PXDNL: variants seen among roughly 807,000 people sequenced by gnomAD.
PXDNL encodes the protein peroxidasin like, also known as probable oxidoreductase PXDNL.
Under a neutral mutation model 150.8 loss-of-function variants are expected in PXDNL, and 145 were observed. The observed-to-expected ratio is 0.96, with a 90% CI of 0.84 to 1.10. The LOEUF (loss-of-function observed/expected upper bound fraction) is 1.10, where lower values mean the gene tolerates loss of function less well. Ranked by LOEUF, PXDNL falls within the 50% of genes least tolerant of loss-of-function variation. The probability of loss-of-function intolerance (pLI) is 0.00; values close to 1 mark genes in which losing one functional copy is unlikely to be tolerated. For synonymous variants in PXDNL, 757 were observed against 725.7 expected, an observed-to-expected ratio of 1.04 and a Z score of -0.69; for missense variants, 2,087 against 1,873.9, an observed-to-expected ratio of 1.11 and a Z score of -2.10.
intron 1 of PXDNL, among the ~76,000 whole-genome samples, chr8:51,709,167 A>G (rs1816443756): frequency 6.6e-6 from 1 of 152,242 alleles, no homozygotes; most frequent in African/African-American, 2.4e-5. Context: ...ATTGGCAAGA[A>G]TTAGTAAATT....
chr8:51,455,115 C>CAA (rs536468204), intron 9 of PXDNL, among the ~76,000 whole-genome samples: 3,329 of 15,852 alleles, frequency 0.21, 957 homozygotes, highest in Non-Finnish European at 0.25. Context: ...GACTCCGTCT[C>CAA]AAAAAAAAAA....
At chr8:51,554,817 G>A (rs1484682429) in intron 4 of PXDNL, among the ~76,000 whole-genome samples, 1 of 152,094 alleles carries the variant, frequency 6.6e-6, no homozygotes, top group Non-Finnish European at 1.5e-5. Flanking sequence ...TCTGATCATA[G>A]CTACTTAAGC....
At position 51,319,944 on chromosome 8, in the gene PXDNL, A is replaced by C. The variant is rs1251642750; in HGVS notation, c.4339T>G (p.Cys1447Gly). Residue 1447 changes from cysteine to glycine, a missense_variant, in exon 23 of 23, where the codon TGT becomes GGT. By Grantham distance (159) the Cys-to-Gly change is radical. Coordinates refer to ENST00000356297, the MANE Select transcript of PXDNL (RefSeq NM_144651.5). ...PSPELVKGTC[C>G]PVCRDRGMPS... is the part of the protein sequence containing the mutation. ...ATTCCTCGGTCTCTGCAAACTGGAC[A>C]GCAGGTTCCTTTCACCAATTCAGGA... 6.3e-7 allele frequency: 1 copy of C among 1,579,966 alleles called. No individual in the cohort carries two copies. Among genetic ancestry groups the C allele is most frequent in the East Asian group, 2.3e-5 (1 of 43,124 alleles).
chr8:51,636,348 A>G (rs1275062937), intron 2 of PXDNL, among the ~76,000 whole-genome samples: 2 of 152,168 alleles, frequency 1.3e-5, no homozygotes, highest in Non-Finnish European at 2.9e-5. Context: ...TTCTAGCCAG[A>G]GCAGTTAGGC....
chr8:51,638,451 G>A (rs377353639), intron 2 of PXDNL, among the ~76,000 whole-genome samples: 54 of 151,920 alleles, frequency 3.6e-4, no homozygotes, highest in Middle Eastern at 3.4e-3. Context: ...GTATTCAGGA[G>A]ACCCATCTCA....
chr8:51,747,094 G>T (rs11778164), intron 1 of PXDNL, among the ~76,000 whole-genome samples: 1 of 152,058 alleles, frequency 6.6e-6, no homozygotes. Flanking sequence ...AGACTAATAT[G>T]GAAAATATTT....
chr8:51,690,932 AT>A (rs2130862407), intron 1 of PXDNL, among the ~76,000 whole-genome samples: 1 of 152,094 alleles, frequency 6.6e-6, no homozygotes, highest in East Asian at 1.9e-4. Flanking sequence ...GATGATGAGC[AT>A]TTTTTCATGT....
chr8:51,614,115 T>C (rs1814080483), intron 2 of PXDNL, among the ~76,000 whole-genome samples: 1 of 152,228 alleles, frequency 6.6e-6, no homozygotes, highest in South Asian at 2.1e-4. Context: ...AAATGATATA[T>C]GAAAAATAAC....
intron 1 of PXDNL, among the ~76,000 whole-genome samples, chr8:51,731,331 G>A (rs1816925743): frequency 6.6e-6 from 1 of 152,204 alleles, no homozygotes; most frequent in Non-Finnish European, 1.5e-5. Context: ...TCTTAAAGCT[G>A]CAAAATGATC....
intron 17 of PXDNL, among the ~76,000 whole-genome samples, chr8:51,379,703 T>C (rs1807471528): frequency 1.3e-5 from 2 of 152,162 alleles, no homozygotes; most frequent in South Asian, 4.1e-4. Context: ...TTTTACAATT[T>C]TGTGTACCTT....
chr8:51,457,435 G>A, intron 9 of PXDNL, 63 bp downstream of exon 9: 1 of 1,311,808 alleles, frequency 7.6e-7, no homozygotes, highest in Admixed American at 2.2e-5. Context: ...ATACTCTAAA[G>A]CAGCAATATT....
intron 5 of PXDNL, among the ~76,000 whole-genome samples, chr8:51,497,134 A>G (rs1315798889): frequency 6.6e-6 from 1 of 152,166 alleles, no homozygotes; most frequent in Non-Finnish European, 1.5e-5. Context: ...AATGCCGCAT[A>G]TCTACAACCA....
chr8:51,588,218 A>G (rs986823294), intron 3 of PXDNL, among the ~76,000 whole-genome samples: 4 of 152,202 alleles, frequency 2.6e-5, no homozygotes, highest in Admixed American at 6.5e-5. Context: ...GAAAAGATAT[A>G]AGAACTTGCA....
chr8:51,719,807 A>G (rs1041451870), intron 1 of PXDNL, among the ~76,000 whole-genome samples: 2 of 152,248 alleles, frequency 1.3e-5, no homozygotes, highest in Non-Finnish European at 2.9e-5. Context: ...AAATTCTTCC[A>G]GAGTATCATA....
At chr8:51,776,032 G>T (rs561482416) in intron 1 of PXDNL, among the ~76,000 whole-genome samples, 2 of 152,302 alleles carry the variant, frequency 1.3e-5, no homozygotes, top group African/African-American at 4.8e-5. Flanking sequence ...TTTTACAGTT[G>T]TGTAAGGAAC....
rs1554513531 is a variant in PXDNL, at chr8:51,761,045, T to TTG, written c.164+48134_164+48135dup. 1.9e-3 allele frequency among the ~76,000 whole-genome samples: 256 copies of TTG among 138,216 alleles called. 3 individuals are homozygous for TTG. The highest frequency in any genetic ancestry group is 6.2e-3 in the African/African-American group (240 of 38,850). The allele number at this position is 138,216 out of a possible 152,430, so 90.7% of individuals were successfully genotyped here. On this transcript the variant is annotated intron_variant, in intron 1 of 22. Transcript: ENST00000356297. ...GGCTAATTTTTTTTTTTTTTTTTTTTTGTATTTTTAGTAGAGACGGGGTTT... is the reference window on the plus strand; with the variant it reads ...GGCTAATTTTTTTTTTTTTTTTTTTTTGTGTATTTTTAGTAGAGACGGGGTTT...
At chr8:51,398,688 C>T (rs1048830876) in intron 17 of PXDNL, among the ~76,000 whole-genome samples, 5 of 152,124 alleles carry the variant, frequency 3.3e-5, no homozygotes, top group Non-Finnish European at 7.4e-5. Flanking sequence ...CCAAATGAAG[C>T]ATAAAGCAAA....
intron 12 of PXDNL, among the ~76,000 whole-genome samples, chr8:51,438,707 T>TC (rs1408802784): frequency 6.6e-6 from 1 of 151,394 alleles, no homozygotes. Flanking sequence ...AGAGCAAGAC[T>TC]CCATCAAAAA....
intron 1 of PXDNL, among the ~76,000 whole-genome samples, chr8:51,780,461 C>T (rs376801804): frequency 4.5e-4 from 69 of 152,142 alleles, no homozygotes; most frequent in African/African-American, 1.3e-3. Flanking sequence ...GGAGACAGTG[C>T]GCATACTTGT....
Sources: gnomAD v4.1 joint callset for allele counts (sites outside exome capture counted in the v4.1 genomes callset) on GRCh38, gnomAD v4.1.1 for gene constraint, MANE v1.5 for transcripts, NCBI Gene and HGNC (gene_info 2026-07-23, HGNC 2026-07-21) for gene names.